Variants in HSD17B3 observed in about 807,000 individuals in gnomAD.
The protein encoded by HSD17B3 is 17-beta-hydroxysteroid dehydrogenase type 3.
In HSD17B3, 29 loss-of-function variants were observed where a neutral mutation model predicts 41.1. The ratio of observed to expected loss-of-function variants is 0.71; its 90% CI spans 0.53 to 0.96. HSD17B3 has a LOEUF of 0.96. HSD17B3 is among the 40% of genes least tolerant of loss of function. The pLI, the probability that HSD17B3 is intolerant of heterozygous loss-of-function variation, is 0.00. For missense variants in HSD17B3, 323 were observed against 374.6 expected (o/e 0.86, Z 1.14); for synonymous variants, 126 against 145.6 (o/e 0.87, Z 0.97).
intron 1 of HSD17B3, among the ~76,000 whole-genome samples, chr9:96,301,591 A>T (rs1049556920): frequency 6.6e-6 from 1 of 150,768 alleles, no homozygotes; most frequent in African/African-American, 2.4e-5. Flanking sequence ...TGTGCCTGTA[A>T]TCCCAGCTAC....
intron 2 of HSD17B3, among the ~76,000 whole-genome samples, chr9:96,292,298 G>C (rs1476209021): frequency 1.3e-5 from 2 of 152,196 alleles, no homozygotes; most frequent in Non-Finnish European, 2.9e-5. Context: ...GTTACAAGGA[G>C]AGAAGAGGGC....
rs869145717 is a variant in HSD17B3, at chr9:96,255,367, C to CTTTTTTTTTTTTTT, written c.202-438_202-425dup. On this transcript the variant is annotated intron_variant, in intron 2 of 10. Coordinates refer to ENST00000375263, the MANE Select transcript of HSD17B3 (RefSeq NM_000197.2). ...AAGCAGTGTTTCTGCCCCAACATTT[C>CTTTTTTTTTTTTTT]TTTTTTTTTTTTTTTTTTTTTTTTT... is the stretch of plus-strand genomic sequence containing the variant. 1.9e-3 allele frequency among the ~76,000 whole-genome samples: 106 copies of CTTTTTTTTTTTTTT among 54,564 alleles called. 22 individuals are homozygous for CTTTTTTTTTTTTTT. The highest frequency in any genetic ancestry group is 2.5e-3 in the Non-Finnish European group (75 of 29,474). 35.8% of individuals were successfully genotyped at this position (54,564 alleles called of 152,430 possible). A position where few individuals can be genotyped will look rare whatever the true frequency, so the allele number is the denominator to read the frequency against.
chr9:96,301,551 A>G (rs911770072), intron 1 of HSD17B3, among the ~76,000 whole-genome samples: 3 of 151,302 alleles, frequency 2.0e-5, no homozygotes, highest in African/African-American at 7.3e-5. Flanking sequence ...TCTCTACTAA[A>G]ATACAAAAAA....
At chr9:96,279,912 A>G (rs1364356700) in intron 2 of HSD17B3, among the ~76,000 whole-genome samples, 1 of 151,878 alleles carries the variant, frequency 6.6e-6, no homozygotes, top group Non-Finnish European at 1.5e-5. Context: ...TGGGACTATA[A>G]GCGCCCGCCA....
chr9:96,279,633 T>C (rs1826607101), intron 2 of HSD17B3, among the ~76,000 whole-genome samples: 2 of 152,180 alleles, frequency 1.3e-5, no homozygotes, highest in African/African-American at 4.8e-5. Flanking sequence ...GACCATAGAT[T>C]TTCCCCACAA....
intron 2 of HSD17B3, among the ~76,000 whole-genome samples, chr9:96,274,113 A>C (rs1248293447): frequency 6.6e-6 from 1 of 152,198 alleles, no homozygotes; most frequent in East Asian, 1.9e-4. Context: ...AAGTCAAAAT[A>C]ATTGTTTTAA....
intron 5 of HSD17B3, 125 bp from the exon 6 acceptor site, chr9:96,249,911 C>A: frequency 1.3e-6 from 2 of 1,576,426 alleles, no homozygotes; most frequent in African/African-American, 1.4e-5. Flanking sequence ...ATCACTCACC[C>A]TGCAAATTAG....
At chr9:96,294,358 G>C (rs1264199813) in intron 2 of HSD17B3, among the ~76,000 whole-genome samples, 1 of 152,258 alleles carries the variant, frequency 6.6e-6, no homozygotes, top group East Asian at 1.9e-4. Flanking sequence ...AGACCCAGAA[G>C]CGCAGAATGG....
At chr9:96,293,965 C>T (rs1827255403) in intron 2 of HSD17B3, among the ~76,000 whole-genome samples, 1 of 152,150 alleles carries the variant, frequency 6.6e-6, no homozygotes, top group African/African-American at 2.4e-5. Context: ...TTCCCAACCT[C>T]AGGCTTTTAC....
chr9:96,240,681 G>C, intron 10 of HSD17B3, 77 bp downstream of exon 10: 1 of 1,421,964 alleles, frequency 7.0e-7, no homozygotes, highest in South Asian at 1.1e-5. Flanking sequence ...CAGCAAGGAA[G>C]AGCTAGCCCA....
At chr9:96,275,867 T>C (rs1826429752) in intron 2 of HSD17B3, among the ~76,000 whole-genome samples, 1 of 150,994 alleles carries the variant, frequency 6.6e-6, no homozygotes, top group Non-Finnish European at 1.5e-5. Context: ...AGAAAACCAT[T>C]TACAAAATGA....
rs1480311956 is a variant in HSD17B3, at chr9:96,300,500, G to A, written c.154+1451C>T. ...TTTTTTCTGAAATTTAAATTTAACT[G>A]GGTATCCTGTATTTTATCTGGCAGC... On this transcript the variant is annotated intron_variant, in intron 1 of 10. Coordinates refer to ENST00000375263, the MANE Select transcript of HSD17B3 (RefSeq NM_000197.2). Among the ~76,000 whole-genome samples, 2 of 141,166 alleles carry A rather than the reference G, an allele frequency of 1.4e-5. 1 individual carries two copies. The highest frequency in any genetic ancestry group is 3.1e-5 in the Non-Finnish European group (2 of 65,130). 92.6% of individuals were successfully genotyped at this position (141,166 alleles called of 152,430 possible).
chr9:96,300,310 T>A (rs1360883507), intron 1 of HSD17B3, among the ~76,000 whole-genome samples: 1 of 100,224 alleles, frequency 1.0e-5, no homozygotes, highest in African/African-American at 3.3e-5. Flanking sequence ...CCCAAACAAT[T>A]TCTCACACGG....
chr9:96,237,342 G>A (rs933101043), intron 10 of HSD17B3, among the ~76,000 whole-genome samples: 16 of 152,218 alleles, frequency 1.1e-4, no homozygotes, highest in African/African-American at 3.1e-4. Context: ...GACAAAAGCA[G>A]ACTTAAATTC....
chr9:96,242,948 G>T (rs997495006), intron 9 of HSD17B3, among the ~76,000 whole-genome samples: 8 of 152,118 alleles, frequency 5.3e-5, no homozygotes, highest in Admixed American at 2.0e-4. Flanking sequence ...AAGCAGAGTT[G>T]GCCAGTGATT....
In HSD17B3 at chr9:96,277,200, C is replaced by CAA. The variant is rs59202692; in HGVS notation, c.201+21214_201+21215dup. ...TGGGCGACAGAGCAAGACTCCAGCTCAAAAAAAAAAGAAAGAAAATGCATC... is the reference window on the plus strand; with the variant it reads ...TGGGCGACAGAGCAAGACTCCAGCTCAAAAAAAAAAAAGAAAGAAAATGCATC... On this transcript the variant is annotated intron_variant, in intron 2 of 10. Coordinates refer to ENST00000375263, the MANE Select transcript of HSD17B3 (RefSeq NM_000197.2). Among the ~76,000 whole-genome samples, 1,005 of 138,956 alleles carry CAA rather than the reference C, an allele frequency of 7.2e-3. 24 individuals carry two copies. The East Asian group carries it at 0.083, about 12-fold the overall frequency. The allele number at this position is 138,956 out of a possible 152,430, so 91.2% of individuals were successfully genotyped here.
intron 9 of HSD17B3, among the ~76,000 whole-genome samples, chr9:96,242,451 C>T (rs1340828200): frequency 6.6e-6 from 1 of 152,146 alleles, no homozygotes; most frequent in Non-Finnish European, 1.5e-5. Context: ...AACTGAGGCT[C>T]ACAGAGTTTA....
intron 2 of HSD17B3, among the ~76,000 whole-genome samples, chr9:96,274,386 G>A (rs11791540): frequency 0.2 from 29,808 of 152,162 alleles, 3,512 homozygotes; most frequent in East Asian, 0.56. Context: ...ACTTGAATCC[G>A]GGAGGCAGAG....
chr9:96,283,361 G>A (rs899829714), intron 2 of HSD17B3, among the ~76,000 whole-genome samples: 13 of 152,204 alleles, frequency 8.5e-5, no homozygotes, highest in African/African-American at 2.9e-4. Flanking sequence ...AATTGTAAAG[G>A]TTTATATAAG....
Sources: allele counts gnomAD v4.1 joint callset (sites outside exome capture counted in the v4.1 genomes callset), GRCh38; gene constraint gnomAD v4.1.1; transcripts MANE v1.5; gene names NCBI Gene and HGNC (gene_info 2026-07-23, HGNC 2026-07-21).